The following UGT1A10 variants were observed in gnomAD, a reference collection of about 807,000 sequenced individuals.
UGT1A10 encodes UDP-glucuronosyltransferase 1A10.
UGT1A10 carries 49 observed loss-of-function variants against 45.8 expected under a neutral mutation model. The ratio of observed to expected loss-of-function variants is 1.07; its 90% CI spans 0.85 to 1.36. The LOEUF (loss-of-function observed/expected upper bound fraction) is 1.36, where lower values mean the gene tolerates loss of function less well. UGT1A10 is among the 40% of genes most tolerant of loss of function. UGT1A10 has a pLI of 0.00. For missense variants in UGT1A10, 745 were observed against 668.6 expected (o/e 1.11, Z -1.26); for synonymous variants, 284 against 249.7 (o/e 1.14, Z -1.29).
intron 1 of UGT1A10, among the ~76,000 whole-genome samples, chr2:233,660,317 C>T (rs2073938936): frequency 6.6e-6 from 1 of 152,154 alleles, no homozygotes; most frequent in South Asian, 2.1e-4. Flanking sequence ...TGCCTTGTAA[C>T]CCCTTGTTCT....
At chr2:233,687,613 G>C (rs373078469) in intron 1 of UGT1A10, among the ~76,000 whole-genome samples, 1 of 132,296 alleles carries the variant, frequency 7.6e-6, no homozygotes, top group Admixed American at 7.6e-5. Flanking sequence ...AAAAAGGAAA[G>C]AAAAAAAGGC....
chr2:233,698,130 G>A (rs1470360029), intron 1 of UGT1A10, among the ~76,000 whole-genome samples: 1 of 152,166 alleles, frequency 6.6e-6, no homozygotes, highest in East Asian at 1.9e-4. Flanking sequence ...GACCTTGTTT[G>A]TGTCTCAACT....
At position 233,682,455 on chromosome 2, in the gene UGT1A10, T is replaced by G. The variant is rs769051709; in HGVS notation, c.855+45078T>G. 4 of 1,613,818 alleles carry G rather than the reference T, an allele frequency of 2.5e-6. No homozygotes were observed. The highest frequency in any genetic ancestry group is 1.3e-5 in the African/African-American group (1 of 74,892). ...TCTGTGGTCTTCGCCAGGGGAATAT[T>G]TTGCCACTATCTTGAAGAAGGTGCA... On this transcript the variant is annotated intron_variant, in intron 1 of 4. Transcript: ENST00000344644.
At chr2:233,658,278 C>G (rs545766433) in intron 1 of UGT1A10, among the ~76,000 whole-genome samples, 13 of 152,164 alleles carry the variant, frequency 8.5e-5, no homozygotes, top group Non-Finnish European at 2.9e-5. Flanking sequence ...CTTGGCCTCC[C>G]AAAGTGCTGG....
intron 1 of UGT1A10, among the ~76,000 whole-genome samples, chr2:233,720,140 G>T (rs527690030): frequency 5.9e-5 from 9 of 152,254 alleles, no homozygotes; most frequent in African/African-American, 2.2e-4. Context: ...GGAGACCTAG[G>T]CACTCACAGG....
At chr2:233,758,087 A>T (rs1470307117) in intron 1 of UGT1A10, among the ~76,000 whole-genome samples, 1 of 152,172 alleles carries the variant, frequency 6.6e-6, no homozygotes, top group Non-Finnish European at 1.5e-5. Context: ...TTCCTAGCAT[A>T]GTGACTGCCA....
intron 1 of UGT1A10, among the ~76,000 whole-genome samples, chr2:233,661,627 C>G (rs1210357290): frequency 9.4e-6 from 1 of 106,136 alleles, no homozygotes; most frequent in East Asian, 2.8e-4. Flanking sequence ...ACTGAATTTT[C>G]TTTCTTTCTT....
intron 1 of UGT1A10, chr2:233,756,414 T>G (rs1696206608): frequency 6.6e-6 from 1 of 152,212 alleles, no homozygotes; most frequent in African/African-American, 2.4e-5. Flanking sequence ...ATTTGTATTA[T>G]TTGTACTGTT....
At chr2:233,690,645 A>T in intron 1 of UGT1A10, 1 of 1,286,952 alleles carries the variant, frequency 7.8e-7, no homozygotes, top group East Asian at 5.6e-5. Flanking sequence ...GGACACCTTG[A>T]CTCCTACAGC....
At chr2:233,662,449 G>A (rs1183567633) in intron 1 of UGT1A10, among the ~76,000 whole-genome samples, 2 of 152,098 alleles carry the variant, frequency 1.3e-5, no homozygotes, top group African/African-American at 4.8e-5. Context: ...ATGTTCATGA[G>A]TAACCATTTA....
At chr2:233,734,361 G>A (rs557706400) in intron 1 of UGT1A10, among the ~76,000 whole-genome samples, 44 of 152,144 alleles carry the variant, frequency 2.9e-4, no homozygotes, top group Non-Finnish European at 5.3e-4. Flanking sequence ...CTGTGGGATC[G>A]GTGGTGATAT....
intron 1 of UGT1A10, among the ~76,000 whole-genome samples, chr2:233,639,894 T>C (rs1328224148): frequency 1.3e-5 from 2 of 152,328 alleles, no homozygotes; most frequent in East Asian, 1.9e-4. Flanking sequence ...AGCAGAACAT[T>C]GAAATAGTTT....
At chr2:233,693,298 C>G (rs762079696) in intron 1 of UGT1A10, 1 of 1,614,146 alleles carries the variant, frequency 6.2e-7, no homozygotes, top group Non-Finnish European at 8.5e-7. Flanking sequence ...GAAACAATCA[C>G]TTTGCTGAGC....
At chr2:233,729,435 A>G in intron 1 of UGT1A10, 1 of 1,613,958 alleles carries the variant, frequency 6.2e-7, no homozygotes. Context: ...ACTTTGAAAC[A>G]GAACATTTTC....
At chr2:233,707,017 G>A (rs2075935738) in intron 1 of UGT1A10, among the ~76,000 whole-genome samples, 1 of 152,116 alleles carries the variant, frequency 6.6e-6, no homozygotes, top group African/African-American at 2.4e-5. Flanking sequence ...AGGATCCATG[G>A]TCAGCCAGCC....
At chr2:233,717,438 C>T (rs998007797) in intron 1 of UGT1A10, among the ~76,000 whole-genome samples, 4 of 152,192 alleles carry the variant, frequency 2.6e-5, no homozygotes, top group African/African-American at 7.2e-5. Context: ...CTCTGATGGA[C>T]GCATCCATTC....
intron 1 of UGT1A10, among the ~76,000 whole-genome samples, chr2:233,715,183 G>A (rs1174195139): frequency 6.6e-6 from 1 of 152,120 alleles, no homozygotes; most frequent in South Asian, 2.1e-4. Flanking sequence ...ACCACACCTA[G>A]GCAATTTTTC....
chr2:233,751,085 CAGG>C (rs1331758725), intron 1 of UGT1A10, among the ~76,000 whole-genome samples: 1 of 151,924 alleles, frequency 6.6e-6, no homozygotes, highest in Non-Finnish European at 1.5e-5. Context: ...TGAAGGCAGC[CAGG>C]AGGAGGGCTT....
chr2:233,670,314 A>T (rs1244519555), intron 1 of UGT1A10, among the ~76,000 whole-genome samples: 4 of 152,172 alleles, frequency 2.6e-5, no homozygotes, highest in African/African-American at 9.7e-5. Flanking sequence ...TGGAGGAAGA[A>T]GGAGGAGAGA....
Sources: gnomAD v4.1 joint callset for allele counts (sites outside exome capture counted in the v4.1 genomes callset) on GRCh38, gnomAD v4.1.1 for gene constraint, MANE v1.5 for transcripts, NCBI Gene and HGNC (gene_info 2026-07-23, HGNC 2026-07-21) for gene names.